Variants in METTL2A observed in about 807,000 individuals in gnomAD.
METTL2A encodes the protein methyltransferase 2A, tRNA N3-cytidine, also known as tRNA N(3)-cytidine methyltransferase METTL2A.
Under a neutral mutation model 49.4 loss-of-function variants are expected in METTL2A, and 45 were observed. The observed-to-expected ratio is 0.91, with a 90% confidence interval of 0.72 to 1.17. The LOEUF (loss-of-function observed/expected upper bound fraction) is 1.17, where lower values mean the gene tolerates loss of function less well. METTL2A is among the 50% of genes most tolerant of loss of function. METTL2A has a pLI of 0.00. For missense variants in METTL2A, 361 were observed against 462.2 expected, an observed-to-expected ratio of 0.78 and a Z score of 2.01; for synonymous variants, 118 against 167.5, an observed-to-expected ratio of 0.70 and a Z score of 2.28.
intron 5 of METTL2A, among the ~76,000 whole-genome samples, chr17:62,438,678 A>G (rs1256808361): frequency 1.3e-5 from 2 of 152,154 alleles, no homozygotes; most frequent in Non-Finnish European, 2.9e-5. Flanking sequence ...ATTCAGTTAA[A>G]GACCAAATGA....
rs1370039835 is a variant in METTL2A at position 62,452,001 on chromosome 17, G to A, written c.*3272G>A. ...TTTGAACCTGGGAGGCGGAGGTTGC[G>A]GTGAGCCGAGATCGCGCCATTGCAC... On this transcript the variant is annotated 3_prime_UTR_variant, in exon 9 of 9. Transcript: ENST00000311506. Among the ~76,000 whole-genome samples, 43 of 150,596 alleles carry A rather than the reference G, an allele frequency of 2.9e-4. No individual in the cohort carries two copies. Among genetic ancestry groups the A allele is most frequent in the African/African-American group, 6.6e-4 (27 of 40,996 alleles).
intron 4 of METTL2A, among the ~76,000 whole-genome samples, chr17:62,429,325 T>G (rs915478131): frequency 5.3e-5 from 8 of 152,086 alleles, no homozygotes; most frequent in Non-Finnish European, 1.0e-4. Context: ...GAGTCTTGCT[T>G]CATCACCCAG....
At chr17:62,434,930 A>G (rs2070690602) in intron 4 of METTL2A, 1 of 384,120 alleles carries the variant, frequency 2.6e-6, no homozygotes, top group South Asian at 2.9e-5. Flanking sequence ...TTGTGGTGCT[A>G]TCAAGCAAGG....
In METTL2A at chr17:62,448,766, G is replaced by A. The variant is rs1354895722; in HGVS notation, c.*37G>A. 1.9e-6 allele frequency: 3 copies of A among 1,604,264 alleles called. No individual in the cohort carries two copies. The highest frequency in any genetic ancestry group is 1.3e-5 in the African/African-American group (1 of 74,280). ...TGCCAACACGATGCAAGCCCATTGT[G>A]TTTCCGGGCTTTTTTAAAAAAAAAA... On this transcript the variant is annotated 3_prime_UTR_variant, in exon 9 of 9. Coordinates refer to ENST00000311506, the MANE Select transcript of METTL2A (RefSeq NM_181725.4).
At chr17:62,444,085 G>C (rs2070753467) in intron 6 of METTL2A, among the ~76,000 whole-genome samples, 1 of 152,150 alleles carries the variant, frequency 6.6e-6, no homozygotes, top group Admixed American at 6.6e-5. Flanking sequence ...TTGAGGACAA[G>C]TCTTCATTTA....
At chr17:62,428,488 C>T (rs1187280560) in intron 4 of METTL2A, among the ~76,000 whole-genome samples, 5 of 152,178 alleles carry the variant, frequency 3.3e-5, no homozygotes, top group South Asian at 2.1e-4. Flanking sequence ...CAGAAGACTG[C>T]CCCCCACTTC....
intron 2 of METTL2A, among the ~76,000 whole-genome samples, chr17:62,424,750 T>C (rs1355515477): frequency 1.3e-5 from 2 of 151,986 alleles, no homozygotes; most frequent in African/African-American, 4.8e-5. Context: ...TGTGTGTCTA[T>C]TACTTGTGTG....
rs773280602 is a variant in METTL2A at position 62,426,337 on chromosome 17, T to G, written c.241T>G (p.Phe81Val). The change falls in exon 3 of 9, where the codon TTC (phenylalanine) becomes GTC (valine). Residue 81 changes from phenylalanine (F) to valine (V), a missense_variant. Phe to Val is a conservative substitution (Grantham distance 50, BLOSUM62 -1). This residue lies in a region of METTL2A where 150 missense variants were observed against 170.1 expected (regional missense o/e 0.88). Coordinates refer to ENST00000311506, the MANE Select transcript of METTL2A (RefSeq NM_181725.4). ...CAATGCCCACAAATACTGGAATGACTTCTACAAAATCCACGAAAATGGGTT... is the reference window on the plus strand; with the variant it reads ...CAATGCCCACAAATACTGGAATGACGTCTACAAAATCCACGAAAATGGGTT... ...EINAHKYWND[F>V]YKIHENGFFK... The G allele has an allele frequency of 5.0e-6, 8 of 1,613,154 alleles. No individual in the cohort carries two copies. In the South Asian group the frequency reaches 7.7e-5, roughly 16 times the overall value.
intron 8 of METTL2A, 46 bp downstream of exon 8, chr17:62,447,812 T>C: frequency 1.9e-6 from 3 of 1,608,024 alleles, no homozygotes; most frequent in Non-Finnish European, 2.6e-6. Flanking sequence ...CAGTACCAGA[T>C]GAGATGGTCT....
chr17:62,429,805 G>A (rs1184104133), intron 4 of METTL2A, among the ~76,000 whole-genome samples: 1 of 152,240 alleles, frequency 6.6e-6, no homozygotes, highest in East Asian at 1.9e-4. Context: ...CAAATACCTG[G>A]GATTACAGGC....
In METTL2A at chr17:62,451,970, G is replaced by C. The variant is rs1567739414; in HGVS notation, c.*3241G>C. 6.6e-6 allele frequency among the ~76,000 whole-genome samples: 1 copy of C among 151,946 alleles called. No individual in the cohort carries two copies. The highest frequency in any genetic ancestry group is 1.5e-5 in the Non-Finnish European group (1 of 68,016). On this transcript the variant is annotated 3_prime_UTR_variant, in exon 9 of 9. Coordinates refer to ENST00000311506, the MANE Select transcript of METTL2A (RefSeq NM_181725.4). ...AGCTATTTGGGAGGGTGGCTCTAGA[G>C]AATCATTTGAACCTGGGAGGCGGAG... is the stretch of plus-strand genomic sequence containing the variant.
chr17:62,434,763 T>C (rs1347598297), intron 4 of METTL2A: 7 of 170,668 alleles, frequency 4.1e-5, no homozygotes, highest in Non-Finnish European at 7.7e-5. Flanking sequence ...CAATGCATAG[T>C]GGGCTCTCAG....
chr17:62,448,750 G>C lies in METTL2A; in HGVS notation c.*21G>C. On this transcript the variant is annotated 3_prime_UTR_variant, in exon 9 of 9. Transcript: ENST00000311506. ...GCTGAGAGGCACCTGCTGCCAACAC[G>C]ATGCAAGCCCATTGTGTTTCCGGGC... 6.2e-7 allele frequency: 1 copy of C among 1,612,170 alleles called. No individual in the cohort carries two copies.
chr17:62,442,540 A>G (rs577707299), intron 6 of METTL2A, among the ~76,000 whole-genome samples: 1 of 152,190 alleles, frequency 6.6e-6, no homozygotes, highest in East Asian at 1.9e-4. Flanking sequence ...CGGCATCCCA[A>G]AGTGCTGGGA....
chr17:62,429,282 T>C (rs2070648749), intron 4 of METTL2A, among the ~76,000 whole-genome samples: 1 of 152,094 alleles, frequency 6.6e-6, no homozygotes, highest in South Asian at 2.1e-4. Context: ...AGTGTGGTCC[T>C]GAGGGAGTTC....
chr17:62,443,683 A>C (rs57316654), intron 6 of METTL2A, among the ~76,000 whole-genome samples: 2,913 of 152,080 alleles, frequency 0.019, 78 homozygotes, highest in African/African-American at 0.067. Context: ...TCCGCCTCCC[A>C]GGTTCAAGCG....
At position 62,452,830 on chromosome 17, in the gene METTL2A, G is replaced by T. The variant is rs893691831; in HGVS notation, c.*4101G>T. Among the ~76,000 whole-genome samples, 1 of 152,082 alleles carries T rather than the reference G, an allele frequency of 6.6e-6. No homozygotes were observed. Among genetic ancestry groups the T allele is most frequent in the African/African-American group, 2.4e-5 (1 of 41,396 alleles). ...TCATCATGTGTCCCAGGCTGGTCTT[G>T]AACTCCTGAGCTCAAGCAATCCTCC... On this transcript the variant is annotated 3_prime_UTR_variant, in exon 9 of 9. Transcript: ENST00000311506.
In METTL2A at chr17:62,448,781, T is replaced by TAA. The variant is rs373258331; in HGVS notation, c.*61_*62dup. On this transcript the variant is annotated 3_prime_UTR_variant, in exon 9 of 9. Transcript: ENST00000311506. The stretch of plus-strand genomic sequence containing the variant: ...AGCCCATTGTGTTTCCGGGCTTTTT[T>TAA]AAAAAAAAAATTGTAGCACTGGGCG... 2.2e-5 allele frequency: 33 copies of TAA among 1,517,260 alleles called. No individual in the cohort carries two copies. The South Asian group carries it at 3.8e-4, about 17-fold the overall frequency. 94.0% of individuals were successfully genotyped at this position (1,517,260 alleles called of 1,614,324 possible).
intron 4 of METTL2A, among the ~76,000 whole-genome samples, chr17:62,434,570 G>A (rs2070687764): frequency 6.6e-6 from 1 of 152,154 alleles, no homozygotes; most frequent in African/African-American, 2.4e-5. Context: ...GTATTTTGAT[G>A]TCTTCAGAAT....
Sources: gnomAD v4.1 joint callset for allele counts (sites outside exome capture counted in the v4.1 genomes callset) on GRCh38, gnomAD v4.1.1 for gene constraint, gnomAD v4.1.1 regional missense constraint, MANE v1.5 for transcripts, NCBI Gene and HGNC (gene_info 2026-07-23, HGNC 2026-07-21) for gene names.